The following FRMD3 variants were observed in gnomAD, a reference collection of about 807,000 sequenced individuals.
The protein encoded by FRMD3 is FERM domain containing 3.
A neutral mutation model predicts 70.2 loss-of-function variants in FRMD3; 33 were observed. That is an observed-to-expected ratio of 0.47 (90% CI 0.36 to 0.63). The LOEUF (loss-of-function observed/expected upper bound fraction) is 0.63. Among genes scored for constraint, FRMD3 ranks in the 20% least tolerant of loss-of-function variants. FRMD3 has a pLI of 0.00. For synonymous variants in FRMD3, 279 were observed against 255.9 expected (o/e 1.09, Z -0.86); for missense variants, 632 against 711.4 (o/e 0.89, Z 1.27).
At chr9:83,557,530 T>C in the FRMD3 span, among the ~76,000 whole-genome samples, 6 of 152,186 alleles carry the variant, frequency 3.9e-5, no homozygotes, top group Non-Finnish European at 8.8e-5. Flanking sequence ...ATAACAGGAT[T>C]AGCAGACACA....
At chr9:83,274,343 G>A (rs1160256791) in intron 13 of FRMD3, among the ~76,000 whole-genome samples, 1 of 151,928 alleles carries the variant, frequency 6.6e-6, no homozygotes, top group East Asian at 1.9e-4. Flanking sequence ...CAGTCCCCAA[G>A]GGCAGGGCAC....
chr9:83,542,847 G>C (rs1474213846), upstream of FRMD3, among the ~76,000 whole-genome samples: 1 of 152,132 alleles, frequency 6.6e-6, no homozygotes, highest in Admixed American at 6.5e-5. Flanking sequence ...CAGTCCAATG[G>C]AGAAAGGATA....
intron 13 of FRMD3, among the ~76,000 whole-genome samples, chr9:83,284,081 T>C (rs1834095052): frequency 6.8e-6 from 1 of 146,932 alleles, no homozygotes; most frequent in African/African-American, 2.5e-5. Context: ...TTTTTTTTTT[T>C]TTTGCTCATT....
intron 1 of FRMD3, among the ~76,000 whole-genome samples, chr9:83,529,806 A>G (rs1201708003): frequency 2.0e-5 from 3 of 152,178 alleles, no homozygotes; most frequent in African/African-American, 7.2e-5. Context: ...ATAAAAGACA[A>G]CCCAATTTTA....
At chr9:83,561,276 G>A in the FRMD3 span, among the ~76,000 whole-genome samples, 1 of 152,158 alleles carries the variant, frequency 6.6e-6, no homozygotes, top group Non-Finnish European at 1.5e-5. Context: ...CTTCTAACAT[G>A]TGTGATGGCC....
chr9:83,395,556 C>T (rs1349960709), intron 1 of FRMD3, among the ~76,000 whole-genome samples: 3 of 152,112 alleles, frequency 2.0e-5, no homozygotes, highest in African/African-American at 4.8e-5. Context: ...TCATTTAGCT[C>T]CCACTTATAA....
At chr9:83,583,060 G>C in the FRMD3 span, among the ~76,000 whole-genome samples, 1 of 152,080 alleles carries the variant, frequency 6.6e-6, no homozygotes, top group Non-Finnish European at 1.5e-5. Flanking sequence ...CACCAACCAT[G>C]ACTTACAACT....
intron 13 of FRMD3, among the ~76,000 whole-genome samples, chr9:83,285,390 C>G (rs1472001988): frequency 6.6e-6 from 1 of 152,154 alleles, no homozygotes; most frequent in African/African-American, 2.4e-5. Context: ...TTCACATGAC[C>G]CTTTAATCTA....
chr9:83,510,659 C>T (rs1829318923), intron 1 of FRMD3, among the ~76,000 whole-genome samples: 1 of 152,198 alleles, frequency 6.6e-6, no homozygotes, highest in African/African-American at 2.4e-5. Context: ...GCGGTACGTC[C>T]ATATAACGAA....
chr9:83,453,267 A>C (rs1827720106), intron 1 of FRMD3, among the ~76,000 whole-genome samples: 1 of 152,226 alleles, frequency 6.6e-6, no homozygotes, highest in Admixed American at 6.5e-5. Context: ...TGCAAGATAT[A>C]CATTTGTTAT....
At chr9:83,425,947 C>T (rs114598445) in intron 1 of FRMD3, among the ~76,000 whole-genome samples, 1,612 of 148,416 alleles carry the variant, frequency 0.011, 34 homozygotes, top group African/African-American at 0.038. Flanking sequence ...CTGGCCCTTG[C>T]GTGGAGAACA....
chr9:83,510,700 A>G (rs946795641), intron 1 of FRMD3, among the ~76,000 whole-genome samples: 2 of 152,224 alleles, frequency 1.3e-5, no homozygotes, highest in African/African-American at 4.8e-5. Context: ...GAAAGGAAAT[A>G]CTGATAAACA....
At chr9:83,306,926 T>C (rs1835157427) in intron 10 of FRMD3, among the ~76,000 whole-genome samples, 1 of 152,204 alleles carries the variant, frequency 6.6e-6, no homozygotes, top group Non-Finnish European at 1.5e-5. Context: ...ATTTTAAACA[T>C]ACTCTGCCAC....
chr9:83,568,951 GATAGATACATACATACATAC>G, the FRMD3 span, among the ~76,000 whole-genome samples: 47 of 114,528 alleles, frequency 4.1e-4, no homozygotes, highest in African/African-American at 1.4e-3. Flanking sequence ...TAGATAGATA[GATAGATACATACATACATAC>G]ATACATACAT....
chr9:83,319,482 C>T (rs1001737185), intron 6 of FRMD3, among the ~76,000 whole-genome samples: 8 of 152,174 alleles, frequency 5.3e-5, no homozygotes, highest in Non-Finnish European at 1.0e-4. Flanking sequence ...AATGCAGTGG[C>T]ATGATCTTGG....
chr9:83,380,537 C>G (rs1302935208), intron 2 of FRMD3, among the ~76,000 whole-genome samples: 3 of 152,090 alleles, frequency 2.0e-5, no homozygotes, highest in Non-Finnish European at 4.4e-5. Flanking sequence ...CCTTATCATA[C>G]AAATGGTGCA....
At chr9:83,414,037 C>T (rs140712004) in intron 1 of FRMD3, among the ~76,000 whole-genome samples, 1 of 152,216 alleles carries the variant, frequency 6.6e-6, no homozygotes, top group Admixed American at 6.5e-5. Context: ...AGAGTTAACA[C>T]TTGTGTTCAA....
rs1325238246 is a variant in FRMD3 at position 83,537,059 on chromosome 9, C to T, written c.147+1026G>A. Reference sequence around the variant, plus strand: ...AGTCAGAAGTTAATTGTGCTGAGCCCTGACACAACCTTTCCTGATTGTGTG... The same window carrying T: ...AGTCAGAAGTTAATTGTGCTGAGCCTTGACACAACCTTTCCTGATTGTGTG... On this transcript the variant is annotated intron_variant, in intron 1 of 13. Coordinates refer to ENST00000304195, the MANE Select transcript of FRMD3 (RefSeq NM_174938.6). This position sits in a 1 kb window ranked among gnomAD's most constrained non-coding sequence, Gnocchi z 4.1. Among the ~76,000 whole-genome samples, 1 of 151,884 alleles carries T rather than the reference C, an allele frequency of 6.6e-6. No individual in the cohort carries two copies. The highest frequency in any genetic ancestry group is 2.4e-5 in the African/African-American group (1 of 41,332).
intron 6 of FRMD3, among the ~76,000 whole-genome samples, chr9:83,334,779 C>T (rs1303315682): frequency 6.6e-6 from 1 of 152,150 alleles, no homozygotes; most frequent in Non-Finnish European, 1.5e-5. Context: ...GGCATAAAGG[C>T]ACAGACTCTA....
Sources: gnomAD v4.1 joint callset for allele counts (sites outside exome capture counted in the v4.1 genomes callset) on GRCh38, gnomAD v4.1.1 for gene constraint, Gnocchi (gnomAD v3.1) non-coding constraint, MANE v1.5 for transcripts, NCBI Gene and HGNC (gene_info 2026-07-23, HGNC 2026-07-21) for gene names.